CPE: variants seen among roughly 807,000 people sequenced by gnomAD.
CPE encodes the protein carboxypeptidase E.
A neutral mutation model predicts 53.5 loss-of-function variants in CPE; 17 were observed. That is an observed-to-expected ratio of 0.32 (90% CI 0.22 to 0.48). The LOEUF (loss-of-function observed/expected upper bound fraction) is 0.48, where lower values mean the gene tolerates loss of function less well. CPE is among the 20% of genes least tolerant of loss of function. The probability of loss-of-function intolerance (pLI) is 0.99; values close to 1 mark genes in which losing one functional copy is unlikely to be tolerated. For missense variants in CPE, 524 were observed against 614.7 expected (o/e 0.85, Z 1.56); for synonymous variants, 226 against 228.8 (o/e 0.99, Z 0.11).
rs956945391 is a variant in CPE, at chr4:165,493,209, A to G, written c.1152A>G (p.Gln384=). 13 of 1,614,032 alleles carry G rather than the reference A, an allele frequency of 8.1e-6. No homozygotes were observed. The African/African-American group carries it at 1.5e-4, about 18-fold the overall frequency. Residue 384 remains glutamine, a synonymous_variant, in exon 7 of 9, where the codon CAA becomes CAG. Coordinates refer to ENST00000402744, the MANE Select transcript of CPE (RefSeq NM_001873.4). ...TTAAAGGATTTGTCCGAGACCTTCA[A>G]GGTAACCCAATTGCGAATGCCACCA... The part of the protein sequence containing the change: ...RGVKGFVRDL[Q]GNPIANATIS...
intron 1 of CPE, among the ~76,000 whole-genome samples, chr4:165,402,429 G>A (rs542461313): frequency 6.6e-6 from 1 of 152,308 alleles, no homozygotes; most frequent in South Asian, 2.1e-4. Context: ...ATCTGTCCCT[G>A]ACCAAATCTC....
chr4:165,426,910 C>A (rs35593296), intron 1 of CPE, among the ~76,000 whole-genome samples: 1 of 151,968 alleles, frequency 6.6e-6, no homozygotes, highest in Admixed American at 6.5e-5. Flanking sequence ...AGGCAGAGAG[C>A]GGGCCTGAAA....
chr4:165,496,818 T>G (rs1487455546), intron 8 of CPE, among the ~76,000 whole-genome samples: 1 of 152,246 alleles, frequency 6.6e-6, no homozygotes, highest in Non-Finnish European at 1.5e-5. Context: ...CATGCTGAAC[T>G]GTATTCTTCC....
At chr4:165,487,295 T>A (rs1732521737) in intron 5 of CPE, 143 bp from the exon 6 acceptor site, 1 of 1,072,924 alleles carries the variant, frequency 9.3e-7, no homozygotes, top group African/African-American at 1.6e-5. Flanking sequence ...TTACAGCAGA[T>A]GATTTCCCTT....
chr4:165,461,664 TGTCTGA>T (rs1248847358), intron 1 of CPE, among the ~76,000 whole-genome samples: 1 of 152,226 alleles, frequency 6.6e-6, no homozygotes, highest in East Asian at 1.9e-4. Context: ...GTCCATTGCA[TGTCTGA>T]GTCTTCTTCC....
At position 165,440,449 on chromosome 4, in the gene CPE, A is replaced by ACCTCCCCCCCCCCCC. The variant is rs1731587405; in HGVS notation, c.308-23939_308-23938insTCCCCCCCCCCCCCC. On this transcript the variant is annotated intron_variant, in intron 1 of 8. Coordinates refer to ENST00000402744, the MANE Select transcript of CPE (RefSeq NM_001873.4). The stretch of plus-strand genomic sequence containing the variant: ...CTTAGCTGCTGCTGCTGCTCTCACA[A>ACCTCCCCCCCCCCCC]CCCCACCCCCCCCCACACACACAAG... Among the ~76,000 whole-genome samples, 2 of 132,826 alleles carry ACCTCCCCCCCCCCCC rather than the reference A, an allele frequency of 1.5e-5. 1 individual carries two copies. Among genetic ancestry groups the ACCTCCCCCCCCCCCC allele is most frequent in the African/African-American group, 6.6e-5 (2 of 30,108 alleles). 87.1% of individuals were successfully genotyped at this position (132,826 alleles called of 152,430 possible). A position where few individuals can be genotyped will look rare whatever the true frequency, so the allele number is the denominator to read the frequency against.
intron 1 of CPE, among the ~76,000 whole-genome samples, chr4:165,438,220 G>A (rs1348962812): frequency 3.9e-5 from 6 of 152,152 alleles, no homozygotes; most frequent in Non-Finnish European, 5.9e-5. Context: ...GGGAGATGAT[G>A]AGGGTAGTGG....
At chr4:165,480,837 A>G (rs1333976692) in intron 3 of CPE, among the ~76,000 whole-genome samples, 1 of 152,062 alleles carries the variant, frequency 6.6e-6, no homozygotes, top group Non-Finnish European at 1.5e-5. Flanking sequence ...ATAAAATGGC[A>G]TATAAATGAT....
rs972565788 is a variant in CPE at position 165,426,628 on chromosome 4, G to C, written c.308-37762G>C. ...TCCAATTATTTTAGAAGTAGGAAAA[G>C]GCAAATGTCTTTTGTGTCTGTTTGA... is the stretch of plus-strand genomic sequence containing the variant. On this transcript the variant is annotated intron_variant, in intron 1 of 8. Coordinates refer to ENST00000402744, the MANE Select transcript of CPE (RefSeq NM_001873.4). Among the ~76,000 whole-genome samples, 8 of 152,090 alleles carry C rather than the reference G, an allele frequency of 5.3e-5. 1 individual carries two copies. Among genetic ancestry groups the C allele is most frequent in the Admixed American group, 5.2e-4 (8 of 15,268 alleles).
intron 1 of CPE, among the ~76,000 whole-genome samples, chr4:165,449,888 C>T (rs1302508051): frequency 1.3e-5 from 2 of 151,776 alleles, no homozygotes; most frequent in Non-Finnish European, 2.9e-5. Flanking sequence ...ATTTTGGTCA[C>T]AAAGAAATAT....
chr4:165,457,312 T>C (rs900900079), intron 1 of CPE, among the ~76,000 whole-genome samples: 1 of 152,202 alleles, frequency 6.6e-6, no homozygotes, highest in Non-Finnish European at 1.5e-5. Context: ...TGCTACAAAT[T>C]AGAGCTGAGT....
At chr4:165,443,639 A>G (rs1322402932) in intron 1 of CPE, among the ~76,000 whole-genome samples, 2 of 152,130 alleles carry the variant, frequency 1.3e-5, no homozygotes, top group African/African-American at 4.8e-5. Flanking sequence ...TCTTATAAGG[A>G]CACCAGTCAG....
chr4:165,443,529 T>C (rs2126687025), intron 1 of CPE, among the ~76,000 whole-genome samples: 1 of 152,268 alleles, frequency 6.6e-6, no homozygotes, highest in Non-Finnish European at 1.5e-5. Context: ...CTGAGGCCTC[T>C]CTCCTTGGCT....
At chr4:165,496,600 TAG>T (rs1732708968) in intron 8 of CPE, among the ~76,000 whole-genome samples, 1 of 152,206 alleles carries the variant, frequency 6.6e-6, no homozygotes, top group African/African-American at 2.4e-5. Flanking sequence ...AAGAAACTCT[TAG>T]TTCCATCTGG....
chr4:165,379,257 G>T lies in CPE; in HGVS notation c.36G>T (p.Leu12=). 1.4e-6 allele frequency: 2 copies of T among 1,421,890 alleles called. No individual in the cohort carries two copies. Among genetic ancestry groups the T allele is most frequent in the Non-Finnish European group, 9.1e-7 (1 of 1,097,450 alleles). The allele number at this position is 1,421,890 out of a possible 1,614,324, so 88.1% of individuals were successfully genotyped here. A position where few individuals can be genotyped will look rare whatever the true frequency, so the allele number is the denominator to read the frequency against. ...AGRGGSALLA[L]CGALAACGWL... ...GAGGGGGCAGCGCGCTGCTGGCTCTGTGCGGGGCACTGGCTGCCTGCGGGT... is the reference window on the plus strand; with the variant it reads ...GAGGGGGCAGCGCGCTGCTGGCTCTTTGCGGGGCACTGGCTGCCTGCGGGT... Residue 12 remains leucine (L), a synonymous_variant, in exon 1 of 9, where the codon CTG becomes CTT. Transcript: ENST00000402744. This position sits in a 1 kb window ranked among gnomAD's most constrained non-coding sequence, Gnocchi z 6.0.
chr4:165,405,736 C>T, intron 1 of CPE: 1 of 894,352 alleles, frequency 1.1e-6, no homozygotes, highest in Non-Finnish European at 1.9e-6. Flanking sequence ...TTTCTTTGCC[C>T]TGTCTGCACG....
Position 165,410,153 on chromosome 4 carries a change from G to A in CPE, c.307+30625G>A, listed in dbSNP as rs1321854106. On this transcript the variant is annotated intron_variant, in intron 1 of 8. Coordinates refer to ENST00000402744, the MANE Select transcript of CPE (RefSeq NM_001873.4). ...AGTCCCAGCTACTTGGGAGGCTGAG[G>A]CAGGAGAATCGATTGAACCTGGGAG... Among the ~76,000 whole-genome samples the A allele has an allele frequency of 3.3e-5, 5 of 151,746 alleles. No individual in the cohort carries two copies. The East Asian group carries it at 9.7e-4, about 30-fold the overall frequency.
intron 1 of CPE, among the ~76,000 whole-genome samples, chr4:165,409,590 T>G (rs72701694): frequency 0.078 from 11,828 of 152,232 alleles, 571 homozygotes; most frequent in East Asian, 0.15. Flanking sequence ...TTTAATTTGA[T>G]GACTTTTTTT....
At position 165,452,200 on chromosome 4, in the gene CPE, A is replaced by T. The variant is rs116384859; in HGVS notation, c.308-12190A>T. Among the ~76,000 whole-genome samples, 1,222 of 152,300 alleles carry T rather than the reference A, an allele frequency of 8.0e-3. 24 individuals are homozygous for T. Among genetic ancestry groups the T allele is most frequent in the African/African-American group, 0.028 (1,164 of 41,558 alleles). On this transcript the variant is annotated intron_variant, in intron 1 of 8. Transcript: ENST00000402744. ...AGTTAGTTAATGGACACAGTTAGCT[A>T]GAAGAAATAAGTTCTAATATTCAAC...
Sources: gnomAD v4.1 joint callset for allele counts (sites outside exome capture counted in the v4.1 genomes callset) on GRCh38, gnomAD v4.1.1 for gene constraint, Gnocchi (gnomAD v3.1) non-coding constraint, MANE v1.5 for transcripts, NCBI Gene and HGNC (gene_info 2026-07-23, HGNC 2026-07-21) for gene names.